The following DGCR2 variants were observed in gnomAD, a reference collection of about 807,000 sequenced individuals.
The protein encoded by DGCR2 is DiGeorge syndrome critical region gene 2.
In DGCR2, 24 loss-of-function variants were observed where a neutral mutation model predicts 51.6. The observed-to-expected ratio is 0.47, with a 90% CI of 0.34 to 0.65. The LOEUF (loss-of-function observed/expected upper bound fraction) is 0.65, where lower values mean the gene tolerates loss of function less well. DGCR2 is among the 30% of genes least tolerant of loss of function. The probability of loss-of-function intolerance (pLI) is 0.01; values close to 1 mark genes in which losing one functional copy is unlikely to be tolerated. For synonymous variants in DGCR2, 340 were observed against 315.4 expected (o/e 1.08, Z -0.82); for missense variants, 765 against 772.1 (o/e 0.99, Z 0.11).
intron 1 of DGCR2, among the ~76,000 whole-genome samples, chr22:19,115,465 C>A (rs1490666718): frequency 6.6e-6 from 1 of 152,250 alleles, no homozygotes; most frequent in African/African-American, 2.4e-5. Flanking sequence ...TGTCCCCTAC[C>A]CCCGGATCCC....
chr22:19,076,855 C>T (rs1399188147), intron 2 of DGCR2, among the ~76,000 whole-genome samples: 2 of 151,246 alleles, frequency 1.3e-5, no homozygotes, highest in South Asian at 2.1e-4. Flanking sequence ...CTCAGCCTCC[C>T]GAGTAGCTGG....
intron 2 of DGCR2, among the ~76,000 whole-genome samples, chr22:19,073,523 T>C (rs1472109391): frequency 3.3e-5 from 5 of 151,998 alleles, no homozygotes; most frequent in African/African-American, 4.8e-5. Context: ...GAGTCTAAGA[T>C]GAAAAGACCC....
At chr22:19,100,115 C>T (rs2083185136) in intron 1 of DGCR2, among the ~76,000 whole-genome samples, 2 of 151,618 alleles carry the variant, frequency 1.3e-5, no homozygotes, top group South Asian at 4.2e-4. Flanking sequence ...TACTAAAATA[C>T]AAACATTAGC....
chr22:19,121,969 G>C (rs1042488367), intron 1 of DGCR2, 159 bp downstream of exon 1: 3 of 338,824 alleles, frequency 8.9e-6, no homozygotes, highest in Non-Finnish European at 1.0e-5. Flanking sequence ...TCCAGCAGGC[G>C]TCCGCAGAGA....
intron 2 of DGCR2, among the ~76,000 whole-genome samples, chr22:19,084,678 C>CCCCCGCACGGCCAGCCG (rs1569071682): frequency 5.4e-5 from 6 of 111,398 alleles, no homozygotes; most frequent in African/African-American, 1.9e-4. Flanking sequence ...TGGGGGTCAG[C>CCCCCGCACGGCCAGCCG]CCCCGCCCGG....
At chr22:19,063,368 G>GTCTC (rs1231135689) in intron 4 of DGCR2, 90 bp from the exon 5 acceptor site, 1 of 1,178,830 alleles carries the variant, frequency 8.5e-7, no homozygotes, top group African/African-American at 1.5e-5. Flanking sequence ...TTGAGACAGA[G>GTCTC]TCTCGCTCTG....
chr22:19,049,384 C>A (rs531235223), intron 6 of DGCR2, among the ~76,000 whole-genome samples: 1 of 151,978 alleles, frequency 6.6e-6, no homozygotes. Context: ...GGAGGAGAGA[C>A]AAGGAATGAA....
At chr22:19,061,932 C>T (rs1356049736) in intron 5 of DGCR2, 1 of 152,194 alleles carries the variant, frequency 6.6e-6, no homozygotes, top group Non-Finnish European at 1.5e-5. Flanking sequence ...CCAATGGAGT[C>T]ACTGAGCTGC....
chr22:19,054,642 G>A (rs2082582030), intron 6 of DGCR2, among the ~76,000 whole-genome samples: 1 of 151,922 alleles, frequency 6.6e-6, no homozygotes, highest in Admixed American at 6.6e-5. Context: ...GAGGCAGGAG[G>A]CTCACTTGAG....
Position 19,057,110 on chromosome 22 carries a change from A to C in DGCR2, c.678T>G (p.Ser226=), listed in dbSNP as rs148321597. The C allele has an allele frequency of 3.9e-4, 634 of 1,608,332 alleles. 2 individuals carry two copies. The African/African-American group carries it at 7.6e-3, about 19-fold the overall frequency. ...GGGCACAGAACACGTTGTCGTTCTCAGACATGGCCGAGGCAAAGATGGGGT... is the reference window on the plus strand; with the variant it reads ...GGGCACAGAACACGTTGTCGTTCTCCGACATGGCCGAGGCAAAGATGGGGT... The part of the protein sequence containing the change: ...PPDPIFASAM[S]ENDNVFCAQL... The change falls in exon 6 of 10, where the codon TCT becomes TCG. Residue 226 remains serine, a synonymous_variant. Transcript: ENST00000263196. The surrounding 1 kb of genome is among the most constrained non-coding windows in gnomAD (Gnocchi z 5.1).
intron 2 of DGCR2, among the ~76,000 whole-genome samples, chr22:19,082,498 C>G (rs1378055276): frequency 6.6e-6 from 1 of 151,934 alleles, no homozygotes; most frequent in African/African-American, 2.4e-5. Context: ...ACCTGTAATC[C>G]CAGCACTTTG....
chr22:19,056,487 G>A (rs992871968), intron 6 of DGCR2: 4 of 537,804 alleles, frequency 7.4e-6, no homozygotes, highest in Middle Eastern at 5.3e-4. Context: ...AAGAGGAAGG[G>A]GACCTGCCCC....
chr22:19,096,402 A>G (rs890104557), intron 1 of DGCR2, among the ~76,000 whole-genome samples: 2 of 152,210 alleles, frequency 1.3e-5, no homozygotes, highest in African/African-American at 2.4e-5. Context: ...ACAGTTAACT[A>G]TAGTTAATAA....
At chr22:19,121,348 G>A (rs1356024270) in intron 1 of DGCR2, among the ~76,000 whole-genome samples, 1 of 152,100 alleles carries the variant, frequency 6.6e-6, no homozygotes. Context: ...AAGTACCGTG[G>A]GCAAGTGATA....
At chr22:19,104,973 G>A (rs1018237782) in intron 1 of DGCR2, among the ~76,000 whole-genome samples, 2 of 152,238 alleles carry the variant, frequency 1.3e-5, no homozygotes, top group Admixed American at 1.3e-4. Context: ...GGAGACCAGA[G>A]GTGTGGATGC....
At chr22:19,086,273 C>A (rs897921940) in intron 2 of DGCR2, among the ~76,000 whole-genome samples, 1 of 151,838 alleles carries the variant, frequency 6.6e-6, no homozygotes, top group Admixed American at 6.6e-5. Context: ...GTCAGGAGAT[C>A]GAGACGATCC....
chr22:19,056,988 C>A lies in DGCR2; in HGVS notation c.800G>T (p.Arg267Ile). 1.3e-6 allele frequency: 2 copies of A among 1,581,008 alleles called. No homozygotes were observed. The highest frequency in any genetic ancestry group is 2.3e-5 in the South Asian group (2 of 86,144). ...AACGCCAGCTCAAGGGGGCTTACTT[C>A]TTTTACACAGAAATGAAGACTTCTC... ...CYEKSSFLCK[R>I]SQTCVDIKDN... is the part of the protein sequence containing the mutation. Residue 267 changes from arginine (R) to isoleucine (I), a missense_variant and splice_region_variant, in exon 6 of 10, where the codon AGA (arginine) becomes ATA (isoleucine). Physicochemically the swap from Arg to Ile is moderately conservative, Grantham distance 97. Coordinates refer to ENST00000263196, the MANE Select transcript of DGCR2 (RefSeq NM_005137.3).
intron 1 of DGCR2, among the ~76,000 whole-genome samples, chr22:19,103,589 C>T (rs988559465): frequency 3.3e-5 from 5 of 150,044 alleles, no homozygotes; most frequent in Admixed American, 2.7e-4. Context: ...CCATCACGCC[C>T]GGCTAATTTT....
intron 6 of DGCR2, among the ~76,000 whole-genome samples, chr22:19,053,269 TAGAACATCAGACCCTACTATCAGCATGC>T (rs1366617371): frequency 6.6e-6 from 1 of 152,064 alleles, no homozygotes; most frequent in African/African-American, 2.4e-5. Flanking sequence ...CAGATACAGT[TAGAACATCAGACCCTACTATCAGCATGC>T]TAACAAGCCT....
Sources: gnomAD v4.1 joint callset for allele counts (sites outside exome capture counted in the v4.1 genomes callset) on GRCh38, gnomAD v4.1.1 for gene constraint, Gnocchi (gnomAD v3.1) non-coding constraint, MANE v1.5 for transcripts, NCBI Gene and HGNC (gene_info 2026-07-23, HGNC 2026-07-21) for gene names.